SCARF1: variants seen among roughly 807,000 people sequenced by gnomAD.
The protein encoded by SCARF1 is acetyl LDL receptor.
A neutral mutation model predicts 76.3 loss-of-function variants in SCARF1; 49 were observed. The ratio of observed to expected loss-of-function variants is 0.64; its 90% CI spans 0.51 to 0.81. The LOEUF is 0.81. Among genes scored for constraint, SCARF1 ranks in the 40% least tolerant of loss-of-function variants. The pLI is 0.00. For synonymous variants in SCARF1, 495 were observed against 474.6 expected (o/e 1.04, Z -0.56); for missense variants, 1,098 against 1,143.9 (o/e 0.96, Z 0.58).
In SCARF1 at chr17:1,636,551, T is replaced by G. The variant is rs191404085; in HGVS notation, c.1633+158A>C. On this transcript the variant is annotated intron_variant, in intron 10 of 10. Transcript: ENST00000263071. ...TCACTTGAACCCGGGAGGCAGAGGTTGCAGTGAGCTGAGATCGCACCACTG... is the reference window on the plus strand; with the variant it reads ...TCACTTGAACCCGGGAGGCAGAGGTGGCAGTGAGCTGAGATCGCACCACTG... Among the ~76,000 whole-genome samples the G allele has an allele frequency of 1.5e-3, 233 of 152,170 alleles. 1 individual carries two copies. Among genetic ancestry groups the G allele is most frequent in the Non-Finnish European group, 2.1e-3 (143 of 67,996 alleles).
chr17:1,638,787 G>T lies in SCARF1; in HGVS notation c.1364+19C>A. 6.3e-7 allele frequency: 1 copy of T among 1,594,528 alleles called. No homozygotes were observed. Among genetic ancestry groups the T allele is most frequent in the Non-Finnish European group, 8.6e-7 (1 of 1,168,680 alleles). Reference sequence around the variant, plus strand: ...CCTGTGGCCTGAGCTGTGTGGGGAAGGGACGGGCTGGCGTTCACCTGTCCT... The same window carrying T: ...CCTGTGGCCTGAGCTGTGTGGGGAATGGACGGGCTGGCGTTCACCTGTCCT... On this transcript the variant is annotated intron_variant, in intron 8 of 10. Coordinates refer to ENST00000263071, the MANE Select transcript of SCARF1 (RefSeq NM_003693.4).
rs1909301918 is a variant in SCARF1 at position 1,634,026 on chromosome 17, A to T, written c.*732T>A. 2.0e-5 allele frequency: 3 copies of T among 152,020 alleles called. No individual in the cohort carries two copies. Among genetic ancestry groups the T allele is most frequent in the Admixed American group, 2.0e-4 (3 of 15,260 alleles). 9.4% of individuals were successfully genotyped at this position (152,020 alleles called of 1,614,324 possible). ...GAAAATAAATATCACCTACAATCTC[A>T]TCTTCCAGAGGAAAAAACCATTTAG... On this transcript the variant is annotated 3_prime_UTR_variant, in exon 11 of 11. Transcript: ENST00000263071.
chr17:1,640,603 C>T lies in SCARF1; in HGVS notation c.855G>A (p.Glu285=). 1.9e-6 allele frequency: 3 copies of T among 1,612,330 alleles called. No homozygotes were observed. The highest frequency in any genetic ancestry group is 2.2e-5 in the South Asian group (2 of 90,828). Residue 285 remains glutamate, a synonymous_variant, in exon 5 of 11, where the codon GAG becomes GAA. Coordinates refer to ENST00000263071, the MANE Select transcript of SCARF1 (RefSeq NM_003693.4). This position sits in a 1 kb window ranked among gnomAD's most constrained non-coding sequence, Gnocchi z 4.7. ...SPDTGSCESC[E]PGWNGTQCQQ... is the part of the protein sequence containing the mutation. ...GGCACTGGGTCCCGTTCCAGCCCGGCTCGCAGGACTCACAGCTGCCTGTGT... is the reference window on the plus strand; with the variant it reads ...GGCACTGGGTCCCGTTCCAGCCCGGTTCGCAGGACTCACAGCTGCCTGTGT...
In SCARF1 at chr17:1,643,709, G is replaced by A; in HGVS notation, c.524C>T (p.Ala175Val). 7.4e-7 allele frequency: 1 copy of A among 1,352,380 alleles called. No individual in the cohort carries two copies. The highest frequency in any genetic ancestry group is 3.1e-5 in the East Asian group (1 of 31,868). 83.8% of individuals were successfully genotyped at this position (1,352,380 alleles called of 1,614,324 possible). ...CGGCTTGCACACGCAGGCGCCCGTG[G>A]CCTGCTCGCAGCGCGCCGCCGCGGT... ...CNTAAARCEQ[A>V]TGACVCKPGW... Residue 175 changes from alanine (A) to valine (V), a missense_variant, in exon 4 of 11, where the codon GCC becomes GTC. Transcript: ENST00000263071.
intron 8 of SCARF1, chr17:1,638,166 C>G (rs1598516447): frequency 6.6e-6 from 1 of 152,300 alleles, no homozygotes. Flanking sequence ...TGTTCCAAAC[C>G]TCCACGCTGC....
Position 1,636,733 on chromosome 17 carries a change from C to T in SCARF1, c.1609G>A (p.Ala537Thr), listed in dbSNP as rs34297715. The change falls in exon 10 of 11, where the codon GCC (alanine) becomes ACC (threonine). Residue 537 changes from alanine to threonine, a missense_variant. Physicochemically the swap from Ala to Thr is moderately conservative, Grantham distance 58 (BLOSUM62 0). Coordinates refer to ENST00000263071, the MANE Select transcript of SCARF1 (RefSeq NM_003693.4). The stretch of plus-strand genomic sequence containing the variant: ...CCTTCTTGGGGTGGCACACAGTAGG[C>T]AGGAACCTCATCTGCCTCTCCAGAC... The part of the protein sequence containing the change: ...PESGEADEVP[A>T]YCVPPQEGMV... 0.034 allele frequency: 54,384 copies of T among 1,613,950 alleles called. 1,256 individuals carry two copies. The highest frequency in any genetic ancestry group is 0.084 in the South Asian group (7,655 of 91,072).
chr17:1,636,767 G>C lies in SCARF1; in HGVS notation c.1575C>G (p.Ser525=). The C allele has an allele frequency of 6.2e-7, 1 of 1,614,080 alleles. No homozygotes were observed. Among genetic ancestry groups the C allele is most frequent in the Non-Finnish European group, 8.5e-7 (1 of 1,180,016 alleles). ...AGWATDDSFS[S]DPESGEADEV... is the part of the protein sequence containing the mutation. Reference sequence around the variant, plus strand: ...CATCTGCCTCTCCAGACTCAGGATCGGATGAGAAGGAGTCATCAGTGGCCC... The same window carrying C: ...CATCTGCCTCTCCAGACTCAGGATCCGATGAGAAGGAGTCATCAGTGGCCC... Residue 525 remains serine (S), a synonymous_variant, in exon 10 of 11, where the codon TCC becomes TCG. Transcript: ENST00000263071.
Position 1,635,111 on chromosome 17 carries a change from T to G in SCARF1, c.2140A>C (p.Ser714Arg), listed in dbSNP as rs1909423329. The G allele has an allele frequency of 1.2e-6, 2 of 1,613,796 alleles. No individual in the cohort carries two copies. The highest frequency in any genetic ancestry group is 1.7e-5 in the Admixed American group (1 of 60,018). ...GCTTCCGCCTGGCCTTTCTGGAAGC[T>G]ACCAAAATGGCGGAAGACAGAGCGG... Reference protein sequence around the residue: ...PVRSVFRHFGSFQKGQAEAKV... With the variant: ...PVRSVFRHFGRFQKGQAEAKV... The change falls in exon 11 of 11, where the codon AGC becomes CGC. Residue 714 changes from serine (S) to arginine (R), a missense_variant. Coordinates refer to ENST00000263071, the MANE Select transcript of SCARF1 (RefSeq NM_003693.4).
chr17:1,640,931 C>A lies in SCARF1; in HGVS notation c.792-265G>T, dbSNP rs566929746. ...CCCAGGACCATCAGGAGCCAGCAGC[C>A]CAGCCAGGGCAGGCGAGTCACCACC... On this transcript the variant is annotated intron_variant, in intron 4 of 10. Transcript: ENST00000263071. This position sits in a 1 kb window ranked among gnomAD's most constrained non-coding sequence, Gnocchi z 4.7. Among the ~76,000 whole-genome samples, 13 of 152,222 alleles carry A rather than the reference C, an allele frequency of 8.5e-5. No individual in the cohort carries two copies. The highest frequency in any genetic ancestry group is 2.9e-4 in the African/African-American group (12 of 41,536).
intron 4 of SCARF1, among the ~76,000 whole-genome samples, chr17:1,642,002 G>A (rs1251114952): frequency 3.3e-5 from 5 of 152,070 alleles, no homozygotes; most frequent in Non-Finnish European, 5.9e-5. Context: ...GATTACAGGC[G>A]TGAGCCACCG....
chr17:1,641,225 C>T (rs980195851), intron 4 of SCARF1, among the ~76,000 whole-genome samples: 3 of 152,198 alleles, frequency 2.0e-5, no homozygotes, highest in African/African-American at 7.2e-5. Context: ...GCCTGAGCTC[C>T]GCTGCCAGCC....
At chr17:1,637,179 T>A in intron 8 of SCARF1, 117 bp from the exon 9 acceptor site, 1 of 1,081,382 alleles carries the variant, frequency 9.2e-7, no homozygotes, top group South Asian at 1.5e-5. Context: ...TGGCTCTCTA[T>A]TGACTACAGA....
At position 1,634,739 on chromosome 17, in the gene SCARF1, C is replaced by G; in HGVS notation, c.*19G>C. The G allele has an allele frequency of 2.6e-6, 4 of 1,564,714 alleles. No individual in the cohort carries two copies. The highest frequency in any genetic ancestry group is 3.5e-6 in the Non-Finnish European group (4 of 1,152,294). Reference sequence around the variant, plus strand: ...CAGTCTAGTCCATCCACTCTCCCCACTCCCCAAATTCAAGGTCATCAGGGT... The same window carrying G: ...CAGTCTAGTCCATCCACTCTCCCCAGTCCCCAAATTCAAGGTCATCAGGGT... On this transcript the variant is annotated 3_prime_UTR_variant, in exon 11 of 11. Transcript: ENST00000263071.
At chr17:1,636,636 T>C in intron 10 of SCARF1, 73 bp downstream of exon 10, 1 of 1,524,978 alleles carries the variant, frequency 6.6e-7, no homozygotes, top group Non-Finnish European at 8.9e-7. Flanking sequence ...ATAAATAACT[T>C]TGCTGGAGGA....
chr17:1,639,602 C>T (rs1415411398), intron 7 of SCARF1, 37 bp downstream of exon 7: 1 of 1,481,722 alleles, frequency 6.7e-7, no homozygotes, highest in African/African-American at 1.4e-5. Context: ...CCCGCCTTTC[C>T]CTGGCTACTG....
intron 8 of SCARF1, among the ~76,000 whole-genome samples, chr17:1,637,268 A>G (rs1909651054): frequency 6.6e-6 from 1 of 152,124 alleles, no homozygotes; most frequent in Non-Finnish European, 1.5e-5. Context: ...CAGCCGAGTA[A>G]CAACTCTGGT....
At chr17:1,643,148 CCTGTGTCCGCCT>C (rs1910191072) in intron 4 of SCARF1, among the ~76,000 whole-genome samples, 1 of 137,022 alleles carries the variant, frequency 7.3e-6, no homozygotes, top group East Asian at 2.2e-4. Context: ...GCCTCGCTCA[CCTGTGTCCGCCT>C]CCGCCCCCTC....
intron 7 of SCARF1, 123 bp downstream of exon 7, chr17:1,639,509 GAAAAAAA>G: frequency 1.8e-6 from 1 of 566,728 alleles, no homozygotes; most frequent in Non-Finnish European, 3.1e-6. Flanking sequence ...CGTCTTAAGG[GAAAAAAA>G]AAAAAAAAAA....
chr17:1,642,013 C>T (rs1598520947), intron 4 of SCARF1, among the ~76,000 whole-genome samples: 1 of 152,112 alleles, frequency 6.6e-6, no homozygotes, highest in Admixed American at 6.5e-5. Context: ...TGAGCCACCG[C>T]GCCCAGCCAG....
Sources: allele counts gnomAD v4.1 joint callset (sites outside exome capture counted in the v4.1 genomes callset), GRCh38; gene constraint gnomAD v4.1.1; non-coding constraint Gnocchi (gnomAD v3.1); transcripts MANE v1.5; gene names NCBI Gene and HGNC (gene_info 2026-07-23, HGNC 2026-07-21).